NUP210: variants seen among roughly 807,000 people sequenced by gnomAD.
The protein encoded by NUP210 is nucleoporin 210.
Under a neutral mutation model 196.0 loss-of-function variants are expected in NUP210, and 151 were observed. That is an observed-to-expected ratio of 0.77 (90% CI 0.67 to 0.88). The LOEUF (loss-of-function observed/expected upper bound fraction) is 0.88. Among genes scored for constraint, NUP210 ranks in the 40% least tolerant of loss-of-function variants. NUP210 has a pLI of 0.00. For synonymous variants in NUP210, 1,070 were observed against 1,052.7 expected (o/e 1.02, Z -0.32); for missense variants, 2,314 against 2,493.7 (o/e 0.93, Z 1.53).
chr3:13,358,423 C>T (rs1176295493), intron 15 of NUP210, 28 bp from the exon 16 acceptor site: 3 of 1,581,832 alleles, frequency 1.9e-6, no homozygotes, highest in African/African-American at 1.3e-5. Flanking sequence ...ACAGTCAGAC[C>T]CCCAAGCTTG....
intron 1 of NUP210, among the ~76,000 whole-genome samples, chr3:13,406,018 C>T (rs528752082): frequency 6.0e-4 from 91 of 152,160 alleles, no homozygotes; most frequent in African/African-American, 1.6e-3. Context: ...AATGTTAATA[C>T]GAAAGATAAT....
rs199653431 is a variant in NUP210 at position 13,319,104 on chromosome 3, G to A, written c.5531C>T (p.Thr1844Met). The change falls in exon 39 of 40, where the codon ACG becomes ATG. Residue 1844 changes from threonine (T) to methionine (M), a missense_variant. By Grantham distance (81) the Thr-to-Met change is moderately conservative. Coordinates refer to ENST00000254508, the MANE Select transcript of NUP210 (RefSeq NM_024923.4). Reference sequence around the variant, plus strand: ...GCTGTGTCCAGGGCTGGCTCGAGGCGTGAGGGCTGCAGGCACAGCAAGATC... The same window carrying A: ...GCTGTGTCCAGGGCTGGCTCGAGGCATGAGGGCTGCAGGCACAGCAAGATC... Reference protein sequence around the residue: ...PRDLAVPAALTPRASPGHSPH... With the variant: ...PRDLAVPAALMPRASPGHSPH... 1.7e-4 allele frequency: 280 copies of A among 1,608,272 alleles called. 6 individuals carry two copies. In the East Asian group the frequency reaches 2.5e-3, roughly 14 times the overall value.
intron 11 of NUP210, 113 bp from the exon 12 acceptor site, chr3:13,373,986 A>G: frequency 1.6e-6 from 2 of 1,232,910 alleles, no homozygotes; most frequent in Non-Finnish European, 2.3e-6. Context: ...ATACACATTT[A>G]TCCTCACACT....
At chr3:13,398,499 T>C (rs969317231) in intron 2 of NUP210, among the ~76,000 whole-genome samples, 1 of 152,190 alleles carries the variant, frequency 6.6e-6, no homozygotes, top group Admixed American at 6.5e-5. Flanking sequence ...TAAGAAATAA[T>C]GTAAAAGAAT....
chr3:13,379,762 CAA>C lies in NUP210; in HGVS notation c.818-43_818-42del. 3 of 1,519,460 alleles carry C rather than the reference CAA, an allele frequency of 2.0e-6. No individual in the cohort carries two copies. The highest frequency in any genetic ancestry group is 2.7e-6 in the Non-Finnish European group (3 of 1,131,574). The allele number at this position is 1,519,460 out of a possible 1,614,324, so 94.1% of individuals were successfully genotyped here. A position where few individuals can be genotyped will look rare whatever the true frequency, so the allele number is the denominator to read the frequency against. On this transcript the variant is annotated intron_variant, in intron 6 of 39. Coordinates refer to ENST00000254508, the MANE Select transcript of NUP210 (RefSeq NM_024923.4). This position sits in a 1 kb window ranked among gnomAD's most constrained non-coding sequence, Gnocchi z 4.2. ...CAAAAAATAACAGGGAAAGAGAGAG[CAA>C]AGACAGGAAATGTTAGAAGCCAATA...
intron 3 of NUP210, among the ~76,000 whole-genome samples, chr3:13,393,863 A>G (rs1306919949): frequency 2.6e-5 from 4 of 152,238 alleles, no homozygotes; most frequent in Non-Finnish European, 4.4e-5. Context: ...TCCAGTCTCC[A>G]GAGGATCTAC....
rs1167108326 is a variant in NUP210, at chr3:13,327,110, G to A, written c.4507+107C>T. The A allele has an allele frequency of 1.5e-5, 12 of 793,338 alleles. No individual in the cohort carries two copies. The East Asian group carries it at 2.7e-4, about 18-fold the overall frequency. 49.1% of individuals were successfully genotyped at this position (793,338 alleles called of 1,614,324 possible). A position where few individuals can be genotyped will look rare whatever the true frequency, so the allele number is the denominator to read the frequency against. ...CTGCTCCTGAGTATCCTGCAGGTCT[G>A]CCTGTAGGCCCCCGTGACTGGTGCC... On this transcript the variant is annotated intron_variant, in intron 32 of 39. Coordinates refer to ENST00000254508, the MANE Select transcript of NUP210 (RefSeq NM_024923.4).
chr3:13,339,127 G>A (rs549594961), intron 25 of NUP210, among the ~76,000 whole-genome samples: 1 of 152,232 alleles, frequency 6.6e-6, no homozygotes, highest in South Asian at 2.1e-4. Flanking sequence ...GACACACACT[G>A]GGAAAAGGAG....
At chr3:13,366,862 C>T (rs1199611196) in intron 13 of NUP210, among the ~76,000 whole-genome samples, 1 of 151,904 alleles carries the variant, frequency 6.6e-6, no homozygotes, top group African/African-American at 2.4e-5. Context: ...CGGTGGCTCA[C>T]GCCTGTAATC....
chr3:13,339,855 T>C lies in NUP210; in HGVS notation c.3470A>G (p.Gln1157Arg). Reference sequence around the variant, plus strand: ...AGTCTCCAATAGCACGCCTGTTACCTGAGAGATGATGACCACCTTGCCGGT... The same window carrying C: ...AGTCTCCAATAGCACGCCTGTTACCCGAGAGATGATGACCACCTTGCCGGT... ...AETGKVVIIS[Q>R]DLVQVEVLLL... is the part of the protein sequence containing the mutation. Residue 1157 changes from glutamine (Q) to arginine (R), a missense_variant and splice_region_variant, in exon 25 of 40, where the codon CAG becomes CGG. Gln to Arg is a conservative substitution (Grantham distance 43). Transcript: ENST00000254508. 6.2e-7 allele frequency: 1 copy of C among 1,612,348 alleles called. No homozygotes were observed. The highest frequency in any genetic ancestry group is 8.5e-7 in the Non-Finnish European group (1 of 1,179,250).
In NUP210 at chr3:13,377,575, G is replaced by A. The variant is rs1393501458; in HGVS notation, c.1046-13C>T. 1.9e-6 allele frequency: 3 copies of A among 1,603,938 alleles called. No individual in the cohort carries two copies. The highest frequency in any genetic ancestry group is 1.7e-6 in the Non-Finnish European group (2 of 1,171,368). ...TGAACAGTGAACCCTAAAACAGGCA[G>A]AGGGAGCCTGAGCACTCAGGCCTCA... On this transcript the variant is annotated splice_polypyrimidine_tract_variant and intron_variant, in intron 8 of 39. Transcript: ENST00000254508.
intron 1 of NUP210, among the ~76,000 whole-genome samples, chr3:13,404,889 G>A (rs1699955814): frequency 6.6e-6 from 1 of 152,164 alleles, no homozygotes; most frequent in Non-Finnish European, 1.5e-5. Flanking sequence ...CATGGAGGGA[G>A]GGTGGGTAAT....
intron 30 of NUP210, among the ~76,000 whole-genome samples, chr3:13,329,937 G>A (rs1012250022): frequency 6.6e-6 from 1 of 152,232 alleles, no homozygotes; most frequent in East Asian, 1.9e-4. Context: ...CTCACTCTGA[G>A]CCTCAGTCTC....
At position 13,328,843 on chromosome 3, in the gene NUP210, G is replaced by A. The variant is rs144239140; in HGVS notation, c.4214C>T (p.Thr1405Ile). The change falls in exon 31 of 40, where the codon ACT (threonine) becomes ATT (isoleucine). Residue 1405 changes from threonine to isoleucine, a missense_variant. Physicochemically the swap from Thr to Ile is moderately conservative, Grantham distance 89 (BLOSUM62 -1). Transcript: ENST00000254508. ...TCCAGAGTTGTCGTGGAAGTGGACA[G>A]TGAAGGTCACGGTCATTCCCAAAGG... ...AVPLGMTVTF[T>I]VHFHDNSGDV... 1.1e-5 allele frequency: 18 copies of A among 1,614,204 alleles called. No individual in the cohort carries two copies. The highest frequency in any genetic ancestry group is 1.4e-5 in the Non-Finnish European group (16 of 1,180,018).
intron 14 of NUP210, among the ~76,000 whole-genome samples, chr3:13,362,584 T>C (rs552484464): frequency 2.0e-5 from 3 of 152,348 alleles, no homozygotes; most frequent in Non-Finnish European, 4.4e-5. Context: ...GAGAATTCTG[T>C]CCTTTTGACT....
intron 5 of NUP210, among the ~76,000 whole-genome samples, chr3:13,387,726 G>A (rs1233098283): frequency 6.6e-6 from 1 of 152,210 alleles, no homozygotes; most frequent in Non-Finnish European, 1.5e-5. Context: ...GACAGAGAAG[G>A]AACCAGGACG....
rs778312482 is a variant in NUP210, at chr3:13,319,836, G to A, written c.5310C>T (p.Ser1770=). The A allele has an allele frequency of 3.1e-6, 5 of 1,614,240 alleles. No individual in the cohort carries two copies. In the South Asian group the frequency reaches 5.5e-5, roughly 18 times the overall value. ...TGGCAATGGCTTGGTTGGTCACGGG[G>A]CTGGAGAAGGTCAGGGTAGTGGACA... The part of the protein sequence containing the change: ...GPLSTTLTFS[S]PVTNQAIAIP... Residue 1770 remains serine, a synonymous_variant, in exon 37 of 40, where the codon AGC becomes AGT. Coordinates refer to ENST00000254508, the MANE Select transcript of NUP210 (RefSeq NM_024923.4).
intron 13 of NUP210, among the ~76,000 whole-genome samples, chr3:13,368,051 C>T (rs1033986226): frequency 6.6e-6 from 1 of 151,262 alleles, no homozygotes; most frequent in Non-Finnish European, 1.5e-5. Context: ...GGCTGCCCTA[C>T]ATCCCTGCCA....
chr3:13,405,265 G>C (rs1485978632), intron 1 of NUP210, among the ~76,000 whole-genome samples: 1 of 152,176 alleles, frequency 6.6e-6, no homozygotes, highest in Non-Finnish European at 1.5e-5. Flanking sequence ...GCCTGAGCAA[G>C]GAGAATTCCC....
Sources: allele counts gnomAD v4.1 joint callset (sites outside exome capture counted in the v4.1 genomes callset), GRCh38; gene constraint gnomAD v4.1.1; non-coding constraint Gnocchi (gnomAD v3.1); transcripts MANE v1.5; gene names NCBI Gene and HGNC (gene_info 2026-07-23, HGNC 2026-07-21).